Variants in SGCD observed in about 807,000 individuals in gnomAD.
The protein encoded by SGCD is sarcoglycan delta, also known as delta-sarcoglycan.
A neutral mutation model predicts 36.6 loss-of-function variants in SGCD; 18 were observed. The observed-to-expected ratio is 0.49, with a 90% confidence interval of 0.34 to 0.73. The LOEUF is 0.73. Among genes scored for constraint, SGCD ranks in the 30% least tolerant of loss-of-function variants. SGCD has a pLI of 0.01. For missense variants in SGCD, 387 were observed against 346.7 expected, an observed-to-expected ratio of 1.12 and a Z score of -0.92; for synonymous variants, 133 against 130.6, an observed-to-expected ratio of 1.02 and a Z score of -0.12.
chr5:156,522,740 A>T (rs1473827344), intron 4 of SGCD, among the ~76,000 whole-genome samples: 1 of 151,824 alleles, frequency 6.6e-6, no homozygotes, highest in Admixed American at 6.6e-5. Context: ...AGCACTTAAA[A>T]AAAAAAAAGA....
chr5:156,201,607 A>G (rs138041390), intron 3 of SGCD, among the ~76,000 whole-genome samples: 1 of 152,168 alleles, frequency 6.6e-6, no homozygotes, highest in African/African-American at 2.4e-5. Flanking sequence ...AGTCCAGTCT[A>G]GGAGGTAAAG....
chr5:156,304,179 G>C (rs1478112193), intron 3 of SGCD, among the ~76,000 whole-genome samples: 4 of 152,116 alleles, frequency 2.6e-5, no homozygotes, highest in African/African-American at 7.2e-5. Flanking sequence ...TAATCTAAAT[G>C]CTCCCTCTAT....
In SGCD at chr5:156,471,673, A is replaced by G. The variant is rs752129690; in HGVS notation, c.193-36928A>G. Among the ~76,000 whole-genome samples the G allele has an allele frequency of 5.0e-4, 76 of 152,272 alleles. 1 individual carries two copies. Among genetic ancestry groups the G allele is most frequent in the Admixed American group, 1.7e-3 (26 of 15,290 alleles). ...TGAAATAGTTCATATACTAAAATAT[A>G]AAAGCTAAAACTATTAAACTGCTAG... On this transcript the variant is annotated intron_variant, in intron 3 of 8. Transcript: ENST00000337851.
chr5:155,833,255 C>A, the SGCD span, among the ~76,000 whole-genome samples: 3 of 151,676 alleles, frequency 2.0e-5, no homozygotes, highest in African/African-American at 7.3e-5. Flanking sequence ...GTACTGAGAT[C>A]TTCTAAAGTT....
At chr5:156,129,855 G>A (rs3969881) in intron 3 of SGCD, among the ~76,000 whole-genome samples, 9,493 of 152,172 alleles carry the variant, frequency 0.062, 1,019 homozygotes, top group African/African-American at 0.22. Flanking sequence ...ATTCCATGGT[G>A]TATATATACA....
the SGCD span, among the ~76,000 whole-genome samples, chr5:155,832,212 G>A: frequency 6.6e-6 from 1 of 152,176 alleles, no homozygotes; most frequent in East Asian, 1.9e-4. Context: ...GAGATCCATT[G>A]TAGCTTTATG....
chr5:155,945,923 C>T, intron 1 of SGCD, among the ~76,000 whole-genome samples: 1 of 152,108 alleles, frequency 6.6e-6, no homozygotes, highest in Middle Eastern at 3.2e-3. Context: ...GGAACCAGTT[C>T]AAGTGGGACA....
intron 3 of SGCD, among the ~76,000 whole-genome samples, chr5:156,224,417 G>A (rs1764796393): frequency 6.6e-6 from 1 of 152,120 alleles, no homozygotes; most frequent in Non-Finnish European, 1.5e-5. Context: ...TTTGTTTTTT[G>A]AGGAAAGCAA....
chr5:155,971,991 C>A (rs569246173), intron 1 of SGCD, among the ~76,000 whole-genome samples: 200 of 152,234 alleles, frequency 1.3e-3, no homozygotes, highest in Admixed American at 4.6e-3. Context: ...CGCCTTCAAA[C>A]AAATGACTGC....
intron 5 of SGCD, among the ~76,000 whole-genome samples, chr5:156,591,324 T>C (rs769437820): frequency 1.8e-4 from 27 of 152,218 alleles, no homozygotes; most frequent in Non-Finnish European, 3.7e-4. Flanking sequence ...TAATGTTAGA[T>C]GTCCAGGAAG....
At chr5:156,120,325 C>G (rs952738238) in intron 2 of SGCD, among the ~76,000 whole-genome samples, 1 of 152,068 alleles carries the variant, frequency 6.6e-6, no homozygotes, top group Non-Finnish European at 1.5e-5. Context: ...ATAGAATTGT[C>G]TCTCTCTATC....
In SGCD at chr5:156,229,619, T is replaced by C. The variant is rs564359801; in HGVS notation, c.-43-99915T>C. On this transcript the variant is annotated intron_variant, in intron 3 of 9. Transcript: ENST00000517913. ...AAGATTCTTTTATTTGTCTTAACTT[T>C]AGATAACCTGATGACAATGTGCCTA... Among the ~76,000 whole-genome samples, 3 of 152,202 alleles carry C rather than the reference T, an allele frequency of 2.0e-5. No homozygotes were observed. The East Asian group carries it at 5.8e-4, about 29-fold the overall frequency.
chr5:156,199,080 C>T (rs1764085295), intron 3 of SGCD, among the ~76,000 whole-genome samples: 1 of 152,084 alleles, frequency 6.6e-6, no homozygotes, highest in African/African-American at 2.4e-5. Flanking sequence ...TGTAGATACA[C>T]ACACCTACAC....
Position 156,728,114 on chromosome 5 carries a change from A to G in SGCD, c.576-29467A>G, listed in dbSNP as rs554926411. ...TGGAGAAGTTTTCAAAGAAGACCAAAAGATAATCAGAAACAGAGAAGAATA... is the reference window on the plus strand; with the variant it reads ...TGGAGAAGTTTTCAAAGAAGACCAAGAGATAATCAGAAACAGAGAAGAATA... On this transcript the variant is annotated intron_variant, in intron 7 of 8. Transcript: ENST00000337851. Among the ~76,000 whole-genome samples, 5 of 152,330 alleles carry G rather than the reference A, an allele frequency of 3.3e-5. No individual in the cohort carries two copies. The South Asian group carries it at 8.3e-4, about 25-fold the overall frequency.
chr5:156,285,908 A>T (rs1766582793), intron 3 of SGCD, among the ~76,000 whole-genome samples: 1 of 152,098 alleles, frequency 6.6e-6, no homozygotes, highest in Non-Finnish European at 1.5e-5. Context: ...TGGGAGAAAA[A>T]TTTTTAATCT....
the SGCD span, among the ~76,000 whole-genome samples, chr5:155,837,373 G>T: frequency 1.3e-5 from 2 of 152,090 alleles, no homozygotes; most frequent in Non-Finnish European, 2.9e-5. Context: ...GGCTAGGCTG[G>T]TCTTGAACTT....
intron 7 of SGCD, among the ~76,000 whole-genome samples, chr5:156,681,401 G>T (rs1309997380): frequency 6.6e-6 from 1 of 152,148 alleles, no homozygotes; most frequent in African/African-American, 2.4e-5. Flanking sequence ...TCAGTTGCTT[G>T]TATCCTCTCC....
chr5:156,687,649 G>A (rs935384360), intron 7 of SGCD, among the ~76,000 whole-genome samples: 6 of 152,302 alleles, frequency 3.9e-5, no homozygotes, highest in East Asian at 3.9e-4. Flanking sequence ...AATGTGTAAC[G>A]CTTCCATTCA....
At chr5:156,033,866 G>T (rs918437586) in intron 1 of SGCD, among the ~76,000 whole-genome samples, 2 of 152,086 alleles carry the variant, frequency 1.3e-5, no homozygotes. Flanking sequence ...TCTTTTTACT[G>T]GCTCACATTG....
Sources: gnomAD v4.1 joint callset for allele counts (sites outside exome capture counted in the v4.1 genomes callset) on GRCh38, gnomAD v4.1.1 for gene constraint, MANE v1.5 for transcripts, NCBI Gene and HGNC (gene_info 2026-07-23, HGNC 2026-07-21) for gene names.